The following SAMD3 variants were observed in gnomAD, a reference collection of about 807,000 sequenced individuals.
SAMD3 encodes the protein sterile alpha motif domain containing 3, also known as sterile alpha motif domain-containing protein 3.
SAMD3 carries 63 observed loss-of-function variants against 58.5 expected under a neutral mutation model. That is an observed-to-expected ratio of 1.08 (90% CI 0.88 to 1.33). The LOEUF is 1.33. Ranked by LOEUF, SAMD3 falls within the 40% of genes most tolerant of loss-of-function variation. SAMD3 has a pLI of 0.00. For synonymous variants in SAMD3, 220 were observed against 210.3 expected, an observed-to-expected ratio of 1.05 and a Z score of -0.40; for missense variants, 604 against 608.4, an observed-to-expected ratio of 0.99 and a Z score of 0.08.
intron 2 of SAMD3, among the ~76,000 whole-genome samples, chr6:130,239,511 C>G (rs574563559): frequency 7.7e-4 from 117 of 152,234 alleles, no homozygotes; most frequent in South Asian, 2.3e-3. Flanking sequence ...ATAATCAACT[C>G]TATAAATATA....
chr6:130,187,980 C>G (rs1364230043), intron 5 of SAMD3, among the ~76,000 whole-genome samples: 1 of 152,160 alleles, frequency 6.6e-6, no homozygotes, highest in Non-Finnish European at 1.5e-5. Context: ...TTACTAAATT[C>G]TCAGCTTATG....
At chr6:130,151,151 T>C (rs1027897555) in intron 9 of SAMD3, among the ~76,000 whole-genome samples, 1 of 152,254 alleles carries the variant, frequency 6.6e-6, no homozygotes, top group East Asian at 1.9e-4. Flanking sequence ...ATTCCTCAAC[T>C]TTAATCTCTT....
At chr6:130,260,402 CCT>C (rs544353224) in intron 2 of SAMD3, among the ~76,000 whole-genome samples, 30 of 152,324 alleles carry the variant, frequency 2.0e-4, no homozygotes, top group African/African-American at 5.5e-4. Context: ...GCATGCAGCC[CCT>C]GTCACGTACC....
chr6:130,260,445 C>T (rs192984954), intron 2 of SAMD3, among the ~76,000 whole-genome samples: 101 of 152,356 alleles, frequency 6.6e-4, no homozygotes, highest in Middle Eastern at 3.4e-3. Context: ...ACGACCCTCT[C>T]TCACGGACCC....
chr6:130,350,127 C>T (rs1777605778), intron 1 of SAMD3, among the ~76,000 whole-genome samples: 1 of 152,110 alleles, frequency 6.6e-6, no homozygotes, highest in South Asian at 2.1e-4. Flanking sequence ...ACTGAATGGA[C>T]AAAAACTGGA....
chr6:130,270,629 C>T (rs1157036655), intron 2 of SAMD3, among the ~76,000 whole-genome samples: 4 of 152,198 alleles, frequency 2.6e-5, no homozygotes, highest in Admixed American at 2.6e-4. Flanking sequence ...GTCTAAACAT[C>T]ACTTTTTCAG....
chr6:130,240,629 C>A (rs1043349349), intron 2 of SAMD3, among the ~76,000 whole-genome samples: 10 of 152,054 alleles, frequency 6.6e-5, no homozygotes, highest in African/African-American at 2.4e-4. Context: ...GGAAGTGGGG[C>A]CTTTTGGGAA....
chr6:130,284,724 A>G (rs1034432125), intron 2 of SAMD3, among the ~76,000 whole-genome samples: 2 of 152,340 alleles, frequency 1.3e-5, no homozygotes, highest in African/African-American at 4.8e-5. Context: ...TAGTGTATCT[A>G]TATTAACATA....
chr6:130,230,637 C>T (rs959614776), intron 2 of SAMD3, among the ~76,000 whole-genome samples: 1 of 152,166 alleles, frequency 6.6e-6, no homozygotes, highest in Non-Finnish European at 1.5e-5. Context: ...ATCCACCTGC[C>T]TCGGTCTCCC....
At chr6:130,250,987 C>G (rs9492507) in intron 2 of SAMD3, among the ~76,000 whole-genome samples, 1 of 151,988 alleles carries the variant, frequency 6.6e-6, no homozygotes, top group Non-Finnish European at 1.5e-5. Flanking sequence ...ATATGATAAC[C>G]CTGTTTCATC....
At chr6:130,203,504 T>C (rs996835437) in intron 5 of SAMD3, among the ~76,000 whole-genome samples, 5 of 152,214 alleles carry the variant, frequency 3.3e-5, no homozygotes, top group African/African-American at 1.2e-4. Context: ...CCATCTGCTT[T>C]TTAGCTCTAT....
intron 2 of SAMD3, among the ~76,000 whole-genome samples, chr6:130,233,559 C>T (rs1296641364): frequency 1.8e-4 from 27 of 152,208 alleles, no homozygotes; most frequent in African/African-American, 6.3e-4. Flanking sequence ...AAATGTCAAG[C>T]ATCTGGTTGA....
At chr6:130,149,649 G>T (rs555264122) in intron 9 of SAMD3, among the ~76,000 whole-genome samples, 1 of 152,232 alleles carries the variant, frequency 6.6e-6, no homozygotes, top group South Asian at 2.1e-4. Flanking sequence ...CTTATAAGTG[G>T]GAGCTAACCA....
chr6:130,272,510 A>C (rs994671455), intron 2 of SAMD3, among the ~76,000 whole-genome samples: 8 of 152,222 alleles, frequency 5.3e-5, no homozygotes, highest in Admixed American at 3.3e-4. Context: ...TATATAAACA[A>C]TGAGGAAATA....
At chr6:130,189,539 A>T (rs1290058173) in intron 5 of SAMD3, among the ~76,000 whole-genome samples, 1 of 152,236 alleles carries the variant, frequency 6.6e-6, no homozygotes, top group Non-Finnish European at 1.5e-5. Flanking sequence ...TTCTGTTAGC[A>T]ACTCAAGCTT....
At chr6:130,153,666 T>TATATATATATATATATATATATATATATC (rs58896049) in intron 9 of SAMD3, among the ~76,000 whole-genome samples, 1 of 91,158 alleles carries the variant, frequency 1.1e-5, no homozygotes, top group Non-Finnish European at 2.3e-5. Flanking sequence ...ATATATATAT[T>TATATATATATATATATATATATATATATC]TATTTATTTA....
intron 9 of SAMD3, among the ~76,000 whole-genome samples, chr6:130,150,227 G>C (rs1049096521): frequency 6.6e-6 from 1 of 152,156 alleles, no homozygotes; most frequent in Non-Finnish European, 1.5e-5. Context: ...GAAGCAGCTG[G>C]CTTGCCAGAC....
At chr6:130,180,589 G>A (rs188946560) in intron 7 of SAMD3, among the ~76,000 whole-genome samples, 2 of 152,286 alleles carry the variant, frequency 1.3e-5, no homozygotes, top group East Asian at 1.9e-4. Context: ...AGCCAGTGAC[G>A]TGATGTTGCT....
At chr6:130,199,295 C>T (rs1479448252) in intron 5 of SAMD3, among the ~76,000 whole-genome samples, 1 of 152,170 alleles carries the variant, frequency 6.6e-6, no homozygotes, top group Non-Finnish European at 1.5e-5. Context: ...TTTAATTCCT[C>T]TCTACATCCA....
Sources: gnomAD v4.1 joint callset for allele counts (sites outside exome capture counted in the v4.1 genomes callset) on GRCh38, gnomAD v4.1.1 for gene constraint, MANE v1.5 for transcripts, NCBI Gene and HGNC (gene_info 2026-07-23, HGNC 2026-07-21) for gene names.